CDH3: variants seen among roughly 807,000 people sequenced by gnomAD.
CDH3 encodes the protein cadherin 3.
In CDH3, 54 loss-of-function variants were observed where a neutral mutation model predicts 82.0. The ratio of observed to expected loss-of-function variants is 0.66; its 90% CI spans 0.53 to 0.83. The LOEUF (loss-of-function observed/expected upper bound fraction) is 0.83. Among genes scored for constraint, CDH3 ranks in the 40% least tolerant of loss-of-function variants. The pLI is 0.00. For missense variants in CDH3, 1,054 were observed against 1,084.6 expected, an observed-to-expected ratio of 0.97 and a Z score of 0.40; for synonymous variants, 446 against 437.9, an observed-to-expected ratio of 1.02 and a Z score of -0.23.
intron 2 of CDH3, among the ~76,000 whole-genome samples, chr16:68,664,750 C>G (rs907952122): frequency 3.3e-5 from 5 of 151,914 alleles, no homozygotes; most frequent in Non-Finnish European, 5.9e-5. Context: ...CCTTGATCTC[C>G]CAGGCTCAGG....
Position 68,698,496 on chromosome 16 carries a change from C to G in CDH3, c.*96C>G. 1 of 1,129,706 alleles carries G rather than the reference C, an allele frequency of 8.9e-7. No homozygotes were observed. The highest frequency in any genetic ancestry group is 1.9e-5 in the Admixed American group (1 of 52,204). 70.0% of individuals were successfully genotyped at this position (1,129,706 alleles called of 1,614,324 possible). A position where few individuals can be genotyped will look rare whatever the true frequency, so the allele number is the denominator to read the frequency against. ...TTCAGCTGAGGACTTCGGAGCTTGT[C>G]AGGAAGTGGCCGTAGCAACTTGGCG... On this transcript the variant is annotated 3_prime_UTR_variant, in exon 16 of 16. Transcript: ENST00000264012.
intron 12 of CDH3, among the ~76,000 whole-genome samples, chr16:68,688,568 A>G (rs1961480474): frequency 6.6e-6 from 1 of 152,042 alleles, no homozygotes; most frequent in African/African-American, 2.4e-5. Context: ...AGCCTGGACA[A>G]CAGAGTGAGA....
chr16:68,731,383 A>ATATATATATAT (rs1452596630), downstream of CDH3, among the ~76,000 whole-genome samples: 1 of 10,156 alleles, frequency 9.8e-5, no homozygotes, highest in Non-Finnish European at 2.2e-4. Context: ...AAAAAAAAAA[A>ATATATATATAT]AAAAAAAAAA....
chr16:68,710,708 G>A lies in CDH3; in HGVS notation c.100-11717G>A, dbSNP rs556300704. On this transcript the variant is annotated intron_variant, in intron 1 of 2. Coordinates refer to the CDH3 transcript ENST00000569080. ...AAAATACAAAAATTAGCCGAGTGTG[G>A]TGGCGGGCGCCTGTAATTCCAGCTA... Among the ~76,000 whole-genome samples the A allele has an allele frequency of 4.1e-4, 62 of 151,564 alleles. 2 individuals are homozygous for A. The highest frequency in any genetic ancestry group is 3.4e-3 in the Middle Eastern group (1 of 292).
At chr16:68,653,370 T>G (rs1960306096) in intron 2 of CDH3, among the ~76,000 whole-genome samples, 1 of 151,962 alleles carries the variant, frequency 6.6e-6, no homozygotes, top group Non-Finnish European at 1.5e-5. Context: ...CCCAAGTAGC[T>G]GGGATTACAG....
intron 13 of CDH3, among the ~76,000 whole-genome samples, chr16:68,693,897 C>T (rs201796663): frequency 1.5e-3 from 222 of 152,214 alleles, no homozygotes; most frequent in Non-Finnish European, 2.5e-3. Flanking sequence ...TTGGCCAGTT[C>T]CCCCCATGTC....
At chr16:68,702,925 TC>T (rs1333519442), downstream of CDH3, among the ~76,000 whole-genome samples, 2 of 151,846 alleles carry the variant, frequency 1.3e-5, no homozygotes, top group Admixed American at 6.6e-5. Flanking sequence ...GAGCCTTCTC[TC>T]TAGCCTCATC....
chr16:68,731,038 AAAAAAAAAAATATATATATAT>A (rs1962277578), downstream of CDH3, among the ~76,000 whole-genome samples: 1 of 37,650 alleles, frequency 2.7e-5, no homozygotes, highest in Non-Finnish European at 6.8e-5. Context: ...AAAAAAAAAA[AAAAAAAAAAATATATATATAT>A]ATATATATAT....
chr16:68,645,601 A>C (rs1482514745), intron 1 of CDH3, 35 bp from the exon 2 acceptor site: 1 of 1,514,100 alleles, frequency 6.6e-7, no homozygotes, highest in Non-Finnish European at 8.9e-7. Flanking sequence ...GCACGCCTGG[A>C]CCCAGCCTCC....
chr16:68,725,527 G>T (rs1015195892), intron 2 of CDH3, among the ~76,000 whole-genome samples: 1 of 151,800 alleles, frequency 6.6e-6, no homozygotes, highest in Admixed American at 6.6e-5. Flanking sequence ...TAGAGACGGG[G>T]TTTCACCATG....
intron 2 of CDH3, among the ~76,000 whole-genome samples, chr16:68,672,115 C>T (rs112939207): frequency 9.9e-5 from 15 of 151,518 alleles, no homozygotes; most frequent in African/African-American, 2.9e-4. Context: ...TGGCGTGAAC[C>T]CCAGGGGGCG....
downstream of CDH3, among the ~76,000 whole-genome samples, chr16:68,729,324 G>A (rs1019109247): frequency 5.9e-5 from 9 of 152,060 alleles, no homozygotes; most frequent in East Asian, 1.9e-4. Context: ...TATATATGCC[G>A]GACATCCTAC....
chr16:68,716,176 G>A lies in CDH3; in HGVS notation c.100-6249G>A, dbSNP rs554964398. Among the ~76,000 whole-genome samples, 813 of 151,200 alleles carry A rather than the reference G, an allele frequency of 5.4e-3. 2 individuals carry two copies. Among genetic ancestry groups the A allele is most frequent in the Non-Finnish European group, 9.4e-3 (635 of 67,896 alleles). Reference sequence around the variant, plus strand: ...CCAGCTACTTGGGAGGCTGAGGCAGGAGAATCACTTGAACCCGGGAGGCGG... The same window carrying A: ...CCAGCTACTTGGGAGGCTGAGGCAGAAGAATCACTTGAACCCGGGAGGCGG... On this transcript the variant is annotated intron_variant, in intron 1 of 2. Transcript: ENST00000569080.
intron 8 of CDH3, among the ~76,000 whole-genome samples, chr16:68,681,751 T>A (rs1961235730): frequency 6.6e-6 from 1 of 152,218 alleles, no homozygotes; most frequent in African/African-American, 2.4e-5. Flanking sequence ...GACATGAGGA[T>A]CGCTTGAGCT....
intron 2 of CDH3, among the ~76,000 whole-genome samples, chr16:68,672,084 C>T (rs3118231): frequency 0.2 from 30,507 of 151,424 alleles, 3,566 homozygotes; most frequent in Admixed American, 0.27. Context: ...CCCAGCTACT[C>T]GGGAGGCTGA....
At chr16:68,713,488 C>G (rs1220219875) in intron 1 of CDH3, among the ~76,000 whole-genome samples, 1 of 151,780 alleles carries the variant, frequency 6.6e-6, no homozygotes, top group East Asian at 1.9e-4. Context: ...CTCTCGGTGC[C>G]CACCTCCCCT....
intron 1 of CDH3, among the ~76,000 whole-genome samples, chr16:68,712,164 G>C (rs1276970286): frequency 6.7e-6 from 1 of 149,454 alleles, no homozygotes; most frequent in Admixed American, 6.8e-5. Context: ...GGCCTCCCGA[G>C]TAGCTGGCAC....
At chr16:68,700,927 G>A (rs538779639), downstream of CDH3, among the ~76,000 whole-genome samples, 101 of 152,224 alleles carry the variant, frequency 6.6e-4, no homozygotes, top group African/African-American at 2.3e-3. Flanking sequence ...GGACAAAGCC[G>A]CCTCCTGCCT....
chr16:68,677,604 G>A (rs1961067273), intron 3 of CDH3, among the ~76,000 whole-genome samples: 1 of 152,184 alleles, frequency 6.6e-6, no homozygotes, highest in Non-Finnish European at 1.5e-5. Context: ...TGGGCGTGGT[G>A]GCAGATGCCT....
Sources: gnomAD v4.1 joint callset for allele counts (sites outside exome capture counted in the v4.1 genomes callset) on GRCh38, gnomAD v4.1.1 for gene constraint, MANE v1.5 for transcripts, NCBI Gene and HGNC (gene_info 2026-07-23, HGNC 2026-07-21) for gene names.